Variants in ZSCAN25 observed in about 807,000 individuals in gnomAD.
ZSCAN25 encodes zinc finger and SCAN domain-containing protein 25.
A neutral mutation model predicts 38.7 loss-of-function variants in ZSCAN25; 27 were observed. The observed-to-expected ratio is 0.70, with a 90% CI of 0.51 to 0.96. The LOEUF (loss-of-function observed/expected upper bound fraction) is 0.96. Ranked by LOEUF, ZSCAN25 falls within the 40% of genes least tolerant of loss-of-function variation. The pLI is 0.00. For missense variants in ZSCAN25, 637 were observed against 705.9 expected, an observed-to-expected ratio of 0.90 and a Z score of 1.11; for synonymous variants, 273 against 277.7, an observed-to-expected ratio of 0.98 and a Z score of 0.17.
the ZSCAN25 span, among the ~76,000 whole-genome samples, chr7:99,669,704 A>ATGATGAATAG: frequency 6.6e-6 from 1 of 152,228 alleles, no homozygotes; most frequent in African/African-American, 2.4e-5. Context: ...AGAGGTATTG[A>ATGATGAATAG]TGATGAATAT....
At chr7:99,736,919 C>T in the ZSCAN25 span, among the ~76,000 whole-genome samples, 1 of 152,032 alleles carries the variant, frequency 6.6e-6, no homozygotes, top group Non-Finnish European at 1.5e-5. Context: ...AAGCAGGAGA[C>T]AAATAAACAT....
At chr7:99,715,858 T>A in the ZSCAN25 span, 2 of 1,613,902 alleles carry the variant, frequency 1.2e-6, no homozygotes, top group Admixed American at 3.3e-5. Flanking sequence ...CGATGCTCAC[T>A]CCAAATGATG....
the ZSCAN25 span, among the ~76,000 whole-genome samples, chr7:99,655,595 GT>G: frequency 3.9e-5 from 6 of 152,196 alleles, no homozygotes; most frequent in Non-Finnish European, 5.9e-5. Context: ...CTTTAAAGTA[GT>G]TTTTTCCAGT....
At chr7:99,734,789 T>G in the ZSCAN25 span, among the ~76,000 whole-genome samples, 1 of 152,022 alleles carries the variant, frequency 6.6e-6, no homozygotes, top group African/African-American at 2.4e-5. Flanking sequence ...GCCCAGCTAA[T>G]TTTTGTAATT....
chr7:99,671,170 A>T, the ZSCAN25 span: 4,798 of 136,710 alleles, frequency 0.035, 244 homozygotes, highest in African/African-American at 0.11. Context: ...TGTGTATTTT[A>T]TGTGTGGCCC....
At chr7:99,711,021 A>C in the ZSCAN25 span, 123 of 1,479,916 alleles carry the variant, frequency 8.3e-5, no homozygotes, top group Non-Finnish European at 1.0e-4. Flanking sequence ...TCAGAGTCTC[A>C]CTGGGGGTGG....
At chr7:99,714,742 G>A in the ZSCAN25 span, 1 of 1,589,020 alleles carries the variant, frequency 6.3e-7, no homozygotes, top group Non-Finnish European at 8.5e-7. Context: ...AATTTACCTG[G>A]AGCAATTCTA....
downstream of ZSCAN25, among the ~76,000 whole-genome samples, chr7:99,634,797 A>AAAAAC (rs1554412416): frequency 6.6e-6 from 1 of 152,020 alleles, no homozygotes; most frequent in Non-Finnish European, 1.5e-5. Context: ...ACTCCGTCTC[A>AAAAAC]AAAACAAAAC....
the ZSCAN25 span, among the ~76,000 whole-genome samples, chr7:99,708,585 T>C: frequency 2.0e-5 from 3 of 152,132 alleles, no homozygotes; most frequent in South Asian, 2.1e-4. Context: ...GCTACTGTAT[T>C]GATGGAAAGC....
chr7:99,734,908 A>C, the ZSCAN25 span: 1 of 1,528,182 alleles, frequency 6.5e-7, no homozygotes, highest in Non-Finnish European at 9.0e-7. Context: ...GGTGTGAGCC[A>C]CCACGGCCAG....
the ZSCAN25 span, among the ~76,000 whole-genome samples, chr7:99,716,100 C>T: frequency 2.0e-5 from 3 of 152,178 alleles, no homozygotes; most frequent in African/African-American, 7.2e-5. Flanking sequence ...AGCTGGCTCT[C>T]CGCTGGGGGT....
At chr7:99,666,476 G>T in the ZSCAN25 span, 1 of 1,051,148 alleles carries the variant, frequency 9.5e-7, no homozygotes, top group Non-Finnish European at 1.5e-6. Flanking sequence ...GCTCTTTGGA[G>T]TTGCAGCGCT....
At chr7:99,734,201 G>A in the ZSCAN25 span, among the ~76,000 whole-genome samples, 1 of 152,284 alleles carries the variant, frequency 6.6e-6, no homozygotes, top group African/African-American at 2.4e-5. Context: ...TTAAAACGAG[G>A]TTTGTATTTT....
downstream of ZSCAN25, among the ~76,000 whole-genome samples, chr7:99,635,915 C>T (rs1187028130): frequency 1.3e-4 from 19 of 151,816 alleles, no homozygotes; most frequent in African/African-American, 2.4e-4. Context: ...GGCGTGGTGG[C>T]GGGCCCCTGT....
the ZSCAN25 span, among the ~76,000 whole-genome samples, chr7:99,655,177 G>T: frequency 6.6e-6 from 1 of 152,194 alleles, no homozygotes; most frequent in African/African-American, 2.4e-5. Flanking sequence ...GAATGATATT[G>T]CCTAGGTTTT....
rs1483145222 is a variant in ZSCAN25 at position 99,619,144 on chromosome 7, G to A, written c.-47+12G>A. The A allele has an allele frequency of 1.9e-5, 3 of 154,088 alleles. No homozygotes were observed. In the East Asian group the frequency reaches 5.8e-4, roughly 30 times the overall value. 9.5% of individuals were successfully genotyped at this position (154,088 alleles called of 1,614,324 possible). A position where few individuals can be genotyped will look rare whatever the true frequency, so the allele number is the denominator to read the frequency against. Reference sequence around the variant, plus strand: ...TGAGTTTCAGGAGGGTAAGCTCCCAGTGTGTCTTGTTTTCTATTTTATTTG... The same window carrying A: ...TGAGTTTCAGGAGGGTAAGCTCCCAATGTGTCTTGTTTTCTATTTTATTTG... On this transcript the variant is annotated intron_variant, in intron 3 of 7. Transcript: ENST00000394152.
chr7:99,623,687 T>C (rs1009131088), intron 6 of ZSCAN25, among the ~76,000 whole-genome samples: 1 of 152,234 alleles, frequency 6.6e-6, no homozygotes, highest in Non-Finnish European at 1.5e-5. Context: ...TGTACCATAA[T>C]AGTTCTTCGT....
the ZSCAN25 span, among the ~76,000 whole-genome samples, chr7:99,732,943 C>T: frequency 6.6e-6 from 1 of 152,146 alleles, no homozygotes; most frequent in Non-Finnish European, 1.5e-5. Context: ...AAAGGGTAGC[C>T]ATTAAGGCAG....
the ZSCAN25 span, among the ~76,000 whole-genome samples, chr7:99,697,537 G>A: frequency 2.0e-5 from 3 of 152,152 alleles, no homozygotes; most frequent in Non-Finnish European, 4.4e-5. Flanking sequence ...TAATGTCCAG[G>A]TACCTTCCTG....
Sources: gnomAD v4.1 joint callset for allele counts (sites outside exome capture counted in the v4.1 genomes callset) on GRCh38, gnomAD v4.1.1 for gene constraint, MANE v1.5 for transcripts, NCBI Gene and HGNC (gene_info 2026-07-23, HGNC 2026-07-21) for gene names.